Variants in PDE1A observed in about 807,000 individuals in gnomAD.
PDE1A encodes the protein phosphodiesterase 1A.
PDE1A carries 35 observed loss-of-function variants against 61.7 expected under a neutral mutation model. The ratio of observed to expected loss-of-function variants is 0.57; its 90% CI spans 0.43 to 0.75. The LOEUF is 0.75. PDE1A is among the 30% of genes least tolerant of loss of function. The probability of loss-of-function intolerance (pLI) is 0.00; values close to 1 mark genes in which losing one functional copy is unlikely to be tolerated. For synonymous variants in PDE1A, 232 were observed against 213.2 expected (o/e 1.09, Z -0.77); for missense variants, 597 against 630.6 (o/e 0.95, Z 0.57).
downstream of PDE1A, among the ~76,000 whole-genome samples, chr2:182,144,342 T>C (rs544112815): frequency 6.6e-6 from 1 of 152,356 alleles, no homozygotes; most frequent in African/African-American, 2.4e-5. Flanking sequence ...TAAAGCAGCC[T>C]GGGATTATAT....
chr2:182,558,356 T>G, the PDE1A span, among the ~76,000 whole-genome samples: 58 of 152,262 alleles, frequency 3.8e-4, no homozygotes, highest in East Asian at 8.3e-3. Context: ...TAAGTTGATC[T>G]TCCCAAATTT....
chr2:182,367,240 A>G (rs1343843497), intron 1 of PDE1A, among the ~76,000 whole-genome samples: 1 of 152,002 alleles, frequency 6.6e-6, no homozygotes, highest in Non-Finnish European at 1.5e-5. Flanking sequence ...TTTTAGGAAA[A>G]CTATTTCTTA....
intron 13 of PDE1A, 151 bp from the exon 14 acceptor site, chr2:182,147,303 C>T (rs1481868651): frequency 9.4e-6 from 5 of 531,062 alleles, no homozygotes; most frequent in African/African-American, 1.9e-5. Flanking sequence ...CACCAAACAT[C>T]TTCCTTTCAG....
At chr2:182,633,271 A>T in the PDE1A span, among the ~76,000 whole-genome samples, 1 of 152,214 alleles carries the variant, frequency 6.6e-6, no homozygotes, top group South Asian at 2.1e-4. Context: ...AAACAACTTT[A>T]TCTGTGTAGT....
In PDE1A at chr2:182,255,107, A is replaced by T. The variant is rs77974421; in HGVS notation, c.167+9194T>A. 6.9e-3 allele frequency among the ~76,000 whole-genome samples: 1,047 copies of T among 152,296 alleles called. 10 individuals carry two copies. Among genetic ancestry groups the T allele is most frequent in the African/African-American group, 0.023 (971 of 41,562 alleles). ...AATACTGTCACCATCTTGCTACCAG[A>T]TAAAACATCAAAAGAGCCATTCCAG... On this transcript the variant is annotated intron_variant, in intron 2 of 13. Transcript: ENST00000351439.
chr2:182,497,101 G>T (rs1688762076), intron 2 of PDE1A, among the ~76,000 whole-genome samples: 1 of 152,128 alleles, frequency 6.6e-6, no homozygotes, highest in Admixed American at 6.5e-5. Flanking sequence ...AAACTTTAGT[G>T]CATCTCTTTT....
chr2:182,703,999 G>A, the PDE1A span, among the ~76,000 whole-genome samples: 4 of 151,202 alleles, frequency 2.6e-5, no homozygotes, highest in East Asian at 2.0e-4. Flanking sequence ...TTAGGAGTTC[G>A]AGACAAGCCT....
chr2:182,463,225 C>T (rs570221184), intron 2 of PDE1A, among the ~76,000 whole-genome samples: 5 of 150,894 alleles, frequency 3.3e-5, no homozygotes, highest in East Asian at 2.0e-4. Flanking sequence ...GGTGACAAAG[C>T]GAGTCTCCAT....
intron 1 of PDE1A, among the ~76,000 whole-genome samples, chr2:182,303,108 G>C (rs968362914): frequency 6.6e-6 from 1 of 152,098 alleles, no homozygotes; most frequent in African/African-American, 2.4e-5. Flanking sequence ...TCCAATTCCT[G>C]TTAATGTTTA....
chr2:182,259,518 A>G (rs1350741475), intron 2 of PDE1A, among the ~76,000 whole-genome samples: 2 of 152,244 alleles, frequency 1.3e-5, no homozygotes, highest in East Asian at 1.9e-4. Flanking sequence ...ATTGTTACAC[A>G]TTTAATTCTC....
chr2:182,393,951 CA>C (rs1456434934), intron 1 of PDE1A, among the ~76,000 whole-genome samples: 6 of 152,210 alleles, frequency 3.9e-5, no homozygotes, highest in Admixed American at 3.3e-4. Flanking sequence ...CACTTTCCCA[CA>C]TCTTACTGTC....
At chr2:182,150,714 G>T (rs1053455327) in intron 13 of PDE1A, among the ~76,000 whole-genome samples, 5 of 152,220 alleles carry the variant, frequency 3.3e-5, no homozygotes, top group Non-Finnish European at 7.3e-5. Flanking sequence ...TCAAGGAGCA[G>T]GGAGGGGATA....
At chr2:182,205,636 T>C (rs1559181654) in intron 8 of PDE1A, among the ~76,000 whole-genome samples, 1 of 152,226 alleles carries the variant, frequency 6.6e-6, no homozygotes, top group Non-Finnish European at 1.5e-5. Flanking sequence ...TTGATAAAAA[T>C]TGAGCAGAGC....
the PDE1A span, among the ~76,000 whole-genome samples, chr2:182,561,337 C>G: frequency 3.9e-5 from 6 of 151,964 alleles, no homozygotes; most frequent in South Asian, 6.2e-4. Context: ...GCTTGTTTTT[C>G]TCAGGTTTGT....
At chr2:182,683,965 CA>C in the PDE1A span, among the ~76,000 whole-genome samples, 6 of 151,128 alleles carry the variant, frequency 4.0e-5, no homozygotes, top group Non-Finnish European at 7.4e-5. Flanking sequence ...ACTAAAAATA[CA>C]AAAAAAATTA....
At chr2:182,565,751 T>C in the PDE1A span, among the ~76,000 whole-genome samples, 2 of 152,188 alleles carry the variant, frequency 1.3e-5, no homozygotes, top group Non-Finnish European at 2.9e-5. Flanking sequence ...TTATTCTTTC[T>C]GAAACATGAA....
At chr2:182,417,188 T>C (rs1314569320) in intron 1 of PDE1A, among the ~76,000 whole-genome samples, 3 of 152,260 alleles carry the variant, frequency 2.0e-5, no homozygotes, top group African/African-American at 7.2e-5. Flanking sequence ...TATGCACTTT[T>C]AGATTCCCAC....
At chr2:182,231,182 C>T (rs140972566) in intron 4 of PDE1A, 51 bp from the exon 5 acceptor site, 59 of 919,144 alleles carry the variant, frequency 6.4e-5, no homozygotes, top group Middle Eastern at 4.4e-4. Flanking sequence ...ACTGTTTCTA[C>T]GAGAATTTAT....
chr2:182,610,109 AATGC>A, the PDE1A span, among the ~76,000 whole-genome samples: 2 of 151,778 alleles, frequency 1.3e-5, no homozygotes, highest in African/African-American at 4.8e-5. Context: ...AAAAGAAAGA[AATGC>A]ATGCTCAGAG....
Sources: gnomAD v4.1 joint callset for allele counts (sites outside exome capture counted in the v4.1 genomes callset) on GRCh38, gnomAD v4.1.1 for gene constraint, MANE v1.5 for transcripts, NCBI Gene and HGNC (gene_info 2026-07-23, HGNC 2026-07-21) for gene names.